Variants in PPARGC1A observed in about 807,000 individuals in gnomAD.
PPARGC1A encodes the protein PPARG coactivator 1 alpha.
Under a neutral mutation model 88.7 loss-of-function variants are expected in PPARGC1A, and 25 were observed. That is an observed-to-expected ratio of 0.28 (90% CI 0.21 to 0.39). The LOEUF is 0.39. Ranked by LOEUF, PPARGC1A falls within the 10% of genes least tolerant of loss-of-function variation. The probability of loss-of-function intolerance (pLI) is 1.00; values close to 1 mark genes in which losing one functional copy is unlikely to be tolerated. For missense variants in PPARGC1A, 880 were observed against 968.7 expected (o/e 0.91, Z 1.22); for synonymous variants, 363 against 355.6 (o/e 1.02, Z -0.24).
At chr4:23,806,483 ACTT>A (rs1719829309) in intron 10 of PPARGC1A, among the ~76,000 whole-genome samples, 1 of 152,242 alleles carries the variant, frequency 6.6e-6, no homozygotes, top group Non-Finnish European at 1.5e-5. Flanking sequence ...GACATTTTCA[ACTT>A]CTTAAAGGCT....
the PPARGC1A span, among the ~76,000 whole-genome samples, chr4:24,259,603 A>G: frequency 1.1e-3 from 166 of 152,332 alleles, no homozygotes; most frequent in African/African-American, 3.8e-3. Context: ...ACAATTGCCT[A>G]AAGTATTTAG....
chr4:23,947,174 A>G, the PPARGC1A span, among the ~76,000 whole-genome samples: 1 of 151,976 alleles, frequency 6.6e-6, no homozygotes, highest in South Asian at 2.1e-4. Context: ...TCAAAGCCCA[A>G]TAATAATGAA....
At chr4:24,188,766 G>T in the PPARGC1A span, among the ~76,000 whole-genome samples, 2 of 152,020 alleles carry the variant, frequency 1.3e-5, no homozygotes, top group Non-Finnish European at 2.9e-5. Context: ...AAATAGAACT[G>T]CCATATGATC....
At position 23,834,169 on chromosome 4, in the gene PPARGC1A, G is replaced by A. The variant is rs377431596; in HGVS notation, c.235-2418C>T. On this transcript the variant is annotated intron_variant, in intron 2 of 12. Coordinates refer to ENST00000264867, the MANE Select transcript of PPARGC1A (RefSeq NM_013261.5). ...AAAAAAATTAGCCAGGCGTGGTGGC[G>A]GACGCCTGTAGTCCCAGCTACACGG... Among the ~76,000 whole-genome samples the A allele has an allele frequency of 1.2e-4, 18 of 152,210 alleles. No individual in the cohort carries two copies. In the South Asian group the frequency reaches 1.2e-3, roughly 11 times the overall value.
chr4:24,372,469 A>G, the PPARGC1A span, among the ~76,000 whole-genome samples: 2 of 152,168 alleles, frequency 1.3e-5, no homozygotes, highest in Admixed American at 6.5e-5. Context: ...GCTTCTTTCT[A>G]GCCCTGACAG....
chr4:23,894,326 C>A (rs1718260828), upstream of PPARGC1A, among the ~76,000 whole-genome samples: 1 of 152,094 alleles, frequency 6.6e-6, no homozygotes, highest in Non-Finnish European at 1.5e-5. Flanking sequence ...TGATACCCCA[C>A]ATCAGTTTCT....
chr4:24,347,888 G>A, the PPARGC1A span, among the ~76,000 whole-genome samples: 1 of 152,002 alleles, frequency 6.6e-6, no homozygotes, highest in South Asian at 2.1e-4. Context: ...GGTCCTATGT[G>A]ATTTATGCTT....
At chr4:24,250,675 C>G in the PPARGC1A span, among the ~76,000 whole-genome samples, 2 of 152,090 alleles carry the variant, frequency 1.3e-5, no homozygotes. Context: ...AAATAACTTC[C>G]AAATAGCACA....
chr4:24,243,704 C>A, the PPARGC1A span, among the ~76,000 whole-genome samples: 1 of 152,150 alleles, frequency 6.6e-6, no homozygotes, highest in Admixed American at 6.5e-5. Flanking sequence ...AAGATAATAG[C>A]TTTAACCAGC....
chr4:24,044,659 G>C, the PPARGC1A span, among the ~76,000 whole-genome samples: 1 of 152,146 alleles, frequency 6.6e-6, no homozygotes, highest in Non-Finnish European at 1.5e-5. Context: ...TCAGCTTGCA[G>C]AACTTCTGAG....
At chr4:24,228,204 C>A in the PPARGC1A span, among the ~76,000 whole-genome samples, 21 of 152,286 alleles carry the variant, frequency 1.4e-4, no homozygotes, top group Admixed American at 2.0e-4. Flanking sequence ...GGGCAAACCT[C>A]ATATCAGCTC....
the PPARGC1A span, among the ~76,000 whole-genome samples, chr4:24,123,012 A>AGT: frequency 3.8e-3 from 568 of 151,146 alleles, 5 homozygotes; most frequent in East Asian, 0.05. Context: ...AGTTCTGTTG[A>AGT]GTGTGTGTGT....
the PPARGC1A span, among the ~76,000 whole-genome samples, chr4:24,167,845 CT>C: frequency 6.6e-6 from 1 of 152,186 alleles, no homozygotes; most frequent in Non-Finnish European, 1.5e-5. Context: ...CCTCCACCCC[CT>C]GGGCTCAAGT....
At chr4:24,419,404 A>G in the PPARGC1A span, among the ~76,000 whole-genome samples, 2 of 146,928 alleles carry the variant, frequency 1.4e-5, no homozygotes, top group Admixed American at 1.4e-4. Context: ...ACACAAACCC[A>G]GGAAACATCA....
chr4:23,910,728 G>A, the PPARGC1A span, among the ~76,000 whole-genome samples: 9 of 151,460 alleles, frequency 5.9e-5, no homozygotes, highest in Admixed American at 4.0e-4. Context: ...GTGAGCCACC[G>A]TGCCGGCCAT....
the PPARGC1A span, among the ~76,000 whole-genome samples, chr4:24,236,890 A>C: frequency 3.3e-5 from 5 of 152,362 alleles, no homozygotes; most frequent in African/African-American, 9.6e-5. Context: ...AAGGTTAGAC[A>C]TGAAGAAGCG....
intron 2 of PPARGC1A, among the ~76,000 whole-genome samples, chr4:23,849,986 T>C (rs1033624348): frequency 6.6e-6 from 1 of 151,524 alleles, no homozygotes; most frequent in African/African-American, 2.4e-5. Context: ...TAGACAAAAA[T>C]GAAAATAAGA....
chr4:23,793,487 T>C lies in PPARGC1A; in HGVS notation c.*2335A>G, dbSNP rs1044803615. ...GATAAATGAATGCAGCTATCAAAAT[T>C]AGCTGCATTGGCCTGGGGGTGAAAT... On this transcript the variant is annotated 3_prime_UTR_variant, in exon 13 of 13. Coordinates refer to ENST00000264867, the MANE Select transcript of PPARGC1A (RefSeq NM_013261.5). 1 of 152,454 alleles carries C rather than the reference T, an allele frequency of 6.6e-6. No homozygotes were observed. Among genetic ancestry groups the C allele is most frequent in the African/African-American group, 2.4e-5 (1 of 41,448 alleles). The allele number at this position is 152,454 out of a possible 1,614,324, so 9.4% of individuals were successfully genotyped here.
the PPARGC1A span, among the ~76,000 whole-genome samples, chr4:23,969,907 C>A: frequency 6.6e-6 from 1 of 152,134 alleles, no homozygotes; most frequent in Admixed American, 6.5e-5. Flanking sequence ...TCTTTTCTCC[C>A]GGGATGGGGG....
Sources: gnomAD v4.1 joint callset for allele counts (sites outside exome capture counted in the v4.1 genomes callset) on GRCh38, gnomAD v4.1.1 for gene constraint, MANE v1.5 for transcripts, NCBI Gene and HGNC (gene_info 2026-07-23, HGNC 2026-07-21) for gene names.